Variants in TTC21B observed in about 807,000 individuals in gnomAD.
TTC21B encodes tetratricopeptide repeat domain 21B, also known as tetratricopeptide repeat protein 21B.
TTC21B carries 127 observed loss-of-function variants against 175.1 expected under a neutral mutation model. That is an observed-to-expected ratio of 0.73 (90% CI 0.63 to 0.84). The LOEUF (loss-of-function observed/expected upper bound fraction) is 0.84, where lower values mean the gene tolerates loss of function less well. Among genes scored for constraint, TTC21B ranks in the 40% least tolerant of loss-of-function variants. TTC21B has a pLI of 0.00. For synonymous variants in TTC21B, 524 were observed against 524.5 expected, an observed-to-expected ratio of 1.00 and a Z score of 0.01; for missense variants, 1,561 against 1,558.3, an observed-to-expected ratio of 1.00 and a Z score of -0.03.
chr2:165,891,016 G>T (rs1448070550), intron 22 of TTC21B, 28 bp from the exon 23 acceptor site: 9 of 1,577,034 alleles, frequency 5.7e-6, no homozygotes, highest in Non-Finnish European at 7.8e-6. Context: ...TTCAGATATG[G>T]GCACCATTTT....
At chr2:165,875,738 A>T (rs2105275187) in intron 28 of TTC21B, among the ~76,000 whole-genome samples, 2 of 152,138 alleles carry the variant, frequency 1.3e-5, no homozygotes. Context: ...TGATCTGGAG[A>T]ATCTATACTG....
intron 5 of TTC21B, 40 bp downstream of exon 5, chr2:165,943,179 T>C: frequency 6.2e-7 from 1 of 1,604,228 alleles, no homozygotes; most frequent in Non-Finnish European, 8.5e-7. Context: ...ATTATGAATA[T>C]ATTTTGAAAC....
Position 165,874,735 on chromosome 2 carries a change from C to G in TTC21B, c.*20G>C. 1 of 1,605,344 alleles carries G rather than the reference C, an allele frequency of 6.2e-7. No homozygotes were observed. The highest frequency in any genetic ancestry group is 8.5e-7 in the Non-Finnish European group (1 of 1,172,228). Reference sequence around the variant, plus strand: ...TTTCTTTCATTTCCTGTTAAACCAACACCTAAGTTAAAATTATTTTCAAGG... The same window carrying G: ...TTTCTTTCATTTCCTGTTAAACCAAGACCTAAGTTAAAATTATTTTCAAGG... On this transcript the variant is annotated 3_prime_UTR_variant, in exon 29 of 29. Coordinates refer to ENST00000243344, the MANE Select transcript of TTC21B (RefSeq NM_024753.5).
At position 165,949,701 on chromosome 2, in the gene TTC21B, T is replaced by A. The variant is rs1559078896; in HGVS notation, c.45A>T (p.Gln15His). The change falls in exon 2 of 29, where the codon CAA becomes CAT. Residue 15 changes from glutamine to histidine, a missense_variant. Physicochemically the swap from Gln to His is conservative, Grantham distance 24. Transcript: ENST00000243344. ...GTAATACATGATGGAAATATCTCTC[T>A]TGACAATAGTAATTAATCAAAGTCT... The part of the protein sequence containing the change: ...ELKTLINYYC[Q>H]ERYFHHVLLV... 6.2e-7 allele frequency: 1 copy of A among 1,611,926 alleles called. No individual in the cohort carries two copies. Among genetic ancestry groups the A allele is most frequent in the East Asian group, 2.2e-5 (1 of 44,788 alleles).
At chr2:165,922,849 G>A (rs1686468485) in intron 12 of TTC21B, among the ~76,000 whole-genome samples, 1 of 152,032 alleles carries the variant, frequency 6.6e-6, no homozygotes. Flanking sequence ...TCCATCAACC[G>A]ATGAGTGGAC....
chr2:165,897,410 A>T (rs1433727973), intron 22 of TTC21B, among the ~76,000 whole-genome samples: 1 of 152,164 alleles, frequency 6.6e-6, no homozygotes, highest in Non-Finnish European at 1.5e-5. Context: ...GAGGTGATAT[A>T]TGAGAGAAAG....
chr2:165,929,066 A>T (rs1686784097), intron 11 of TTC21B, 69 bp downstream of exon 11: 1 of 1,443,862 alleles, frequency 6.9e-7, no homozygotes, highest in Non-Finnish European at 9.7e-7. Flanking sequence ...GCATCAAAGA[A>T]AACTTTTAAG....
At chr2:165,946,294 G>C (rs185082130) in intron 3 of TTC21B, among the ~76,000 whole-genome samples, 1 of 151,794 alleles carries the variant, frequency 6.6e-6, no homozygotes, top group African/African-American at 2.4e-5. Context: ...AGCAGAGATC[G>C]CGCCACTGCA....
At chr2:165,922,904 T>C (rs1229143342) in intron 12 of TTC21B, among the ~76,000 whole-genome samples, 4 of 152,180 alleles carry the variant, frequency 2.6e-5, no homozygotes, top group African/African-American at 9.7e-5. Flanking sequence ...ACTACTCAGC[T>C]GTAAAAAAGT....
At chr2:165,942,799 A>C (rs1012395197) in intron 5 of TTC21B, among the ~76,000 whole-genome samples, 4 of 152,176 alleles carry the variant, frequency 2.6e-5, no homozygotes, top group African/African-American at 4.8e-5. Flanking sequence ...TTTCCATTAT[A>C]CTTATCACCT....
In TTC21B at chr2:165,943,318, A is replaced by C. The variant is rs148935124; in HGVS notation, c.453T>G (p.Leu151=). The C allele has an allele frequency of 1.3e-5, 21 of 1,610,048 alleles. No homozygotes were observed. In the African/African-American group the frequency reaches 2.4e-4, roughly 18 times the overall value. The change falls in exon 5 of 29, where the codon CTT becomes CTG. Residue 151 remains leucine, a synonymous_variant. Transcript: ENST00000243344. ...AAGGCTCTTTTCCTCTTGTAATATCAAGCCATGCTTTCAAAACGTGTCCCT... is the reference window on the plus strand; with the variant it reads ...AAGGCTCTTTTCCTCTTGTAATATCCAGCCATGCTTTCAAAACGTGTCCCT... ...SKQGHVLKAW[L]DITRGKEPYT... is the part of the protein sequence containing the mutation.
chr2:165,898,165 G>A (rs1559045864), intron 22 of TTC21B, among the ~76,000 whole-genome samples: 1 of 152,158 alleles, frequency 6.6e-6, no homozygotes, highest in Non-Finnish European at 1.5e-5. Flanking sequence ...ACAGTTCCAT[G>A]CTGATTAGAA....
chr2:165,905,555 G>C (rs1239690029), intron 19 of TTC21B, among the ~76,000 whole-genome samples: 1 of 151,840 alleles, frequency 6.6e-6, no homozygotes, highest in Non-Finnish European at 1.5e-5. Flanking sequence ...AAATGAAGAA[G>C]GCCATTTTAT....
chr2:165,946,862 G>C (rs1182810479), intron 3 of TTC21B, among the ~76,000 whole-genome samples: 1 of 151,884 alleles, frequency 6.6e-6, no homozygotes, highest in Non-Finnish European at 1.5e-5. Flanking sequence ...GCACAATATA[G>C]CTATAGAGTT....
intron 20 of TTC21B, among the ~76,000 whole-genome samples, chr2:165,900,897 TTC>T (rs1301676144): frequency 1.3e-5 from 2 of 150,786 alleles, no homozygotes; most frequent in Non-Finnish European, 1.5e-5. Context: ...ATGTTCTTTT[TTC>T]TTTTCTTTTT....
chr2:165,914,657 C>CTGTGTGTGTGTGTGTGTGTGTGTG (rs551411661), intron 15 of TTC21B, among the ~76,000 whole-genome samples: 3,065 of 117,948 alleles, frequency 0.026, 104 homozygotes, highest in East Asian at 0.06. Context: ...GAAGAGCAAT[C>CTGTGTGTGTGTGTGTGTGTGTGTG]TGTGTGTGTG....
chr2:165,885,853 C>A (rs1684983485), intron 25 of TTC21B, among the ~76,000 whole-genome samples: 1 of 152,208 alleles, frequency 6.6e-6, no homozygotes, highest in Admixed American at 6.5e-5. Context: ...CAGCCAACTT[C>A]TCTGTCTCTC....
intron 6 of TTC21B, among the ~76,000 whole-genome samples, chr2:165,936,174 T>A (rs1167678939): frequency 6.6e-6 from 1 of 152,090 alleles, no homozygotes; most frequent in East Asian, 1.9e-4. Flanking sequence ...GATAGTAAAC[T>A]GATCTTTGAC....
At chr2:165,882,520 C>G (rs1250285184) in intron 26 of TTC21B, among the ~76,000 whole-genome samples, 2 of 152,028 alleles carry the variant, frequency 1.3e-5, no homozygotes, top group Non-Finnish European at 2.9e-5. Flanking sequence ...TTTAAGTTGG[C>G]CCCTAGATCT....
Sources: allele counts gnomAD v4.1 joint callset (sites outside exome capture counted in the v4.1 genomes callset), GRCh38; gene constraint gnomAD v4.1.1; transcripts MANE v1.5; gene names NCBI Gene and HGNC (gene_info 2026-07-23, HGNC 2026-07-21).